ADGRE5: variants seen among roughly 807,000 people sequenced by gnomAD.
ADGRE5 encodes adhesion G protein-coupled receptor E5.
ADGRE5 carries 72 observed loss-of-function variants against 100.3 expected under a neutral mutation model. The ratio of observed to expected loss-of-function variants is 0.72; its 90% CI spans 0.59 to 0.87. The LOEUF is 0.87. Among genes scored for constraint, ADGRE5 ranks in the 40% least tolerant of loss-of-function variants. The pLI is 0.00. For synonymous variants in ADGRE5, 439 were observed against 447.8 expected (o/e 0.98, Z 0.25); for missense variants, 959 against 1,094.7 (o/e 0.88, Z 1.75).
intron 18 of ADGRE5, 144 bp from the exon 19 acceptor site, chr19:14,407,764 C>T: frequency 1.5e-6 from 1 of 678,194 alleles, no homozygotes; most frequent in Non-Finnish European, 2.6e-6. Context: ...CACTACACTC[C>T]AGCCTGGGTG....
chr19:14,407,348 C>T, intron 18 of ADGRE5, 119 bp downstream of exon 18: 1 of 1,157,924 alleles, frequency 8.6e-7, no homozygotes, highest in Non-Finnish European at 1.2e-6. Flanking sequence ...TAACCAGATG[C>T]TGTCTTTACA....
chr19:14,390,293 AG>A (rs1342930261), intron 3 of ADGRE5, among the ~76,000 whole-genome samples: 1 of 146,262 alleles, frequency 6.8e-6, no homozygotes, highest in Non-Finnish European at 1.5e-5. Context: ...AAGACTGGGG[AG>A]GGGGTACATT....
intron 4 of ADGRE5, among the ~76,000 whole-genome samples, chr19:14,392,906 A>C (rs1975649282): frequency 6.6e-6 from 1 of 151,590 alleles, no homozygotes; most frequent in Non-Finnish European, 1.5e-5. Context: ...CCATTTCAAA[A>C]AAAAAAAAAA....
In ADGRE5 at chr19:14,406,240, C is replaced by T; in HGVS notation, c.1822-91C>T. On this transcript the variant is annotated intron_variant, in intron 14 of 19. Coordinates refer to ENST00000242786, the MANE Select transcript of ADGRE5 (RefSeq NM_078481.4). The surrounding 1 kb of genome is among the most constrained non-coding windows in gnomAD (Gnocchi z 6.0). ...GCCCACCCTCCGGCTGTGGTCCCGCCCACTCTCGGGACCTGGCAGGCGACT... is the reference window on the plus strand; with the variant it reads ...GCCCACCCTCCGGCTGTGGTCCCGCTCACTCTCGGGACCTGGCAGGCGACT... The T allele has an allele frequency of 9.6e-7, 1 of 1,041,866 alleles. No individual in the cohort carries two copies. Among genetic ancestry groups the T allele is most frequent in the East Asian group, 2.6e-5 (1 of 38,446 alleles). 64.5% of individuals were successfully genotyped at this position (1,041,866 alleles called of 1,614,324 possible).
chr19:14,404,271 C>T (rs750504948), intron 12 of ADGRE5, 112 bp from the exon 13 acceptor site: 6 of 930,490 alleles, frequency 6.4e-6, no homozygotes, highest in African/African-American at 3.3e-5. Flanking sequence ...ATTCAGTAGG[C>T]GCTCGGTCAA....
At chr19:14,404,360 T>C in intron 12 of ADGRE5, 23 bp from the exon 13 acceptor site, 1 of 1,595,898 alleles carries the variant, frequency 6.3e-7, no homozygotes, top group Non-Finnish European at 8.5e-7. Flanking sequence ...CCAACCTTTC[T>C]GACCACCCCC....
At chr19:14,402,958 T>A in intron 12 of ADGRE5, 96 bp downstream of exon 12, 2 of 1,228,256 alleles carry the variant, frequency 1.6e-6, no homozygotes, top group South Asian at 2.7e-5. Context: ...CGTGACTCAG[T>A]CTTTTATGTT....
chr19:14,407,251 C>A, intron 18 of ADGRE5, 22 bp downstream of exon 18: 1 of 1,612,954 alleles, frequency 6.2e-7, no homozygotes, highest in Non-Finnish European at 8.5e-7. Context: ...GGCACAGTGG[C>A]GCACGCCTGT....
chr19:14,388,638 C>G (rs35363541), intron 2 of ADGRE5, 64 bp from the exon 3 acceptor site: 132,316 of 1,601,908 alleles, frequency 0.083, 3,725 homozygotes, highest in Non-Finnish European at 0.09. Flanking sequence ...CCATCTCCCC[C>G]AGTGCCCCCT....
chr19:14,381,632 G>C (rs1341767045), intron 1 of ADGRE5, 87 bp downstream of exon 1: 2 of 1,459,208 alleles, frequency 1.4e-6, no homozygotes, highest in Admixed American at 2.3e-5. Flanking sequence ...GGCGCCGCTG[G>C]TGTCTGTGGG....
rs1976226613 is a variant in ADGRE5, at chr19:14,406,208, C to A, written c.1822-123C>A. 1.2e-6 allele frequency: 1 copy of A among 833,980 alleles called. No individual in the cohort carries two copies. Among genetic ancestry groups the A allele is most frequent in the Admixed American group, 2.8e-5 (1 of 35,142 alleles). 51.7% of individuals were successfully genotyped at this position (833,980 alleles called of 1,614,324 possible). ...CTGGGGGGAAACCTGGCCCCCGCTC[C>A]AGACCCGCCCACCCTCCGGCTGTGG... is the stretch of plus-strand genomic sequence containing the variant. On this transcript the variant is annotated intron_variant, in intron 14 of 19. Transcript: ENST00000242786. This position sits in a 1 kb window ranked among gnomAD's most constrained non-coding sequence, Gnocchi z 6.0.
Position 14,401,479 on chromosome 19 carries a change from C to G in ADGRE5, c.991C>G (p.Leu331Val), listed in dbSNP as rs746207246. The G allele has an allele frequency of 4.3e-6, 7 of 1,614,158 alleles. No individual in the cohort carries two copies. Among genetic ancestry groups the G allele is most frequent in the Non-Finnish European group, 5.1e-6 (6 of 1,180,014 alleles). Residue 331 changes from leucine (L) to valine (V), a missense_variant, in exon 10 of 20, where the codon CTC (leucine) becomes GTC (valine). Leu to Val is a conservative substitution (Grantham distance 32). Around this residue, in one of 6 missense-constraint regions of ADGRE5, gnomAD observed 246 missense variants for 242.2 expected, o/e 1.02. Coordinates refer to ENST00000242786, the MANE Select transcript of ADGRE5 (RefSeq NM_078481.4). This position sits in a 1 kb window ranked among gnomAD's most constrained non-coding sequence, Gnocchi z 4.1. ...PVRHLIATQLLSNLEDIMRIL... is the reference protein window; with the variant it reads ...PVRHLIATQLVSNLEDIMRIL... Reference sequence around the variant, plus strand: ...CCGGCACCTCATAGCCACCCAGCTGCTCTCAAACCTTGAAGATATCATGAG... The same window carrying G: ...CCGGCACCTCATAGCCACCCAGCTGGTCTCAAACCTTGAAGATATCATGAG...
Position 14,404,406 on chromosome 19 carries a change from G to A in ADGRE5, c.1473G>A (p.Gln491=), listed in dbSNP as rs751106893. 5 of 1,610,380 alleles carry A rather than the reference G, an allele frequency of 3.1e-6. No individual in the cohort carries two copies. The African/African-American group carries it at 4.0e-5, about 13-fold the overall frequency. The change falls in exon 13 of 20, where the codon CAG becomes CAA. Residue 491 remains glutamine (Q), a synonymous_variant. Coordinates refer to ENST00000242786, the MANE Select transcript of ADGRE5 (RefSeq NM_078481.4). ...PAKDVMPGPR[Q]ELLCAFWKSD... is the part of the protein sequence containing the mutation. ...AGGACGTGATGCCTGGGCCACGGCA[G>A]GAGCTGCTCTGTGCCTTCTGGAAGA...
rs115537324 is a variant in ADGRE5, at chr19:14,398,182, A to G, written c.897+43A>G. 2.8e-3 allele frequency: 4,416 copies of G among 1,594,982 alleles called. 118 individuals are homozygous for G. The African/African-American group carries it at 0.053, about 19-fold the overall frequency. On this transcript the variant is annotated intron_variant, in intron 9 of 19. Transcript: ENST00000242786. ...GGGGACCCCAGGACAGTGTAGAATCAGCTAGCGGAGGCTTCCATGTGGCCA... is the reference window on the plus strand; with the variant it reads ...GGGGACCCCAGGACAGTGTAGAATCGGCTAGCGGAGGCTTCCATGTGGCCA...
At chr19:14,394,075 G>A (rs1309172681) in intron 4 of ADGRE5, among the ~76,000 whole-genome samples, 1 of 152,138 alleles carries the variant, frequency 6.6e-6, no homozygotes. Context: ...CCCCTGCATG[G>A]GATGGTGGTT....
chr19:14,398,860 G>T (rs1195882168), intron 9 of ADGRE5, among the ~76,000 whole-genome samples: 3 of 150,020 alleles, frequency 2.0e-5, no homozygotes. Context: ...TTTTTATTTG[G>T]AAACAAGGTC....
intron 3 of ADGRE5, 85 bp downstream of exon 3, chr19:14,388,903 G>C: frequency 1.6e-6 from 2 of 1,256,518 alleles, no homozygotes; most frequent in East Asian, 4.7e-5. Flanking sequence ...TGTTGTGAGG[G>C]GCCACAGCCT....
chr19:14,388,642 G>A (rs1975447996), intron 2 of ADGRE5, 60 bp from the exon 3 acceptor site: 4 of 1,606,088 alleles, frequency 2.5e-6, no homozygotes, highest in South Asian at 1.1e-5. Context: ...CTCCCCCAGT[G>A]CCCCCTTTTT....
chr19:14,401,806 G>T lies in ADGRE5; in HGVS notation c.1183+46G>T. The T allele has an allele frequency of 7.5e-7, 1 of 1,341,302 alleles. No homozygotes were observed. Among genetic ancestry groups the T allele is most frequent in the Non-Finnish European group, 1.0e-6 (1 of 979,280 alleles). 83.1% of individuals were successfully genotyped at this position (1,341,302 alleles called of 1,614,324 possible). A position where few individuals can be genotyped will look rare whatever the true frequency, so the allele number is the denominator to read the frequency against. ...GGGGAGCCCGTGGGAGAGAGATGGAGGTGCTGGGATGGGGCCAGGGTGAGG... is the reference window on the plus strand; with the variant it reads ...GGGGAGCCCGTGGGAGAGAGATGGATGTGCTGGGATGGGGCCAGGGTGAGG... On this transcript the variant is annotated intron_variant, in intron 11 of 19. Transcript: ENST00000242786. This position sits in a 1 kb window ranked among gnomAD's most constrained non-coding sequence, Gnocchi z 4.1.
Sources: allele counts gnomAD v4.1 joint callset (sites outside exome capture counted in the v4.1 genomes callset), GRCh38; gene constraint gnomAD v4.1.1; regional missense constraint gnomAD v4.1.1; non-coding constraint Gnocchi (gnomAD v3.1); transcripts MANE v1.5; gene names NCBI Gene and HGNC (gene_info 2026-07-23, HGNC 2026-07-21).